RAPGEF4: variants seen among roughly 807,000 people sequenced by gnomAD.
The protein encoded by RAPGEF4 is Rap guanine nucleotide exchange factor 4, also known as RAP guanine-nucleotide-exchange factor (GEF) 4.
A neutral mutation model predicts 147.9 loss-of-function variants in RAPGEF4; 66 were observed. The ratio of observed to expected loss-of-function variants is 0.45; its 90% CI spans 0.37 to 0.55. The LOEUF (loss-of-function observed/expected upper bound fraction) is 0.55. RAPGEF4 is among the 20% of genes least tolerant of loss of function. The pLI is 0.00. For missense variants in RAPGEF4, 1,071 were observed against 1,257.3 expected (o/e 0.85, Z 2.24); for synonymous variants, 419 against 442.7 (o/e 0.95, Z 0.67).
At chr2:172,735,590 T>G (rs1693673356), upstream of RAPGEF4, 1 of 151,924 alleles carries the variant, frequency 6.6e-6, no homozygotes, top group African/African-American at 2.4e-5. Flanking sequence ...GGCCCCGGGG[T>G]GAGGGTGGGG....
chr2:173,000,724 GTTTTCTTTCTTTC>G (rs577443385), intron 16 of RAPGEF4, among the ~76,000 whole-genome samples: 10,251 of 142,958 alleles, frequency 0.072, 459 homozygotes, highest in South Asian at 0.15. Flanking sequence ...CCTTAATCTT[GTTTTCTTTCTTTC>G]TTTTCTTTCT....
At chr2:172,919,364 A>G (rs747442677) in intron 5 of RAPGEF4, among the ~76,000 whole-genome samples, 13 of 152,094 alleles carry the variant, frequency 8.5e-5, no homozygotes, top group Non-Finnish European at 1.5e-4. Flanking sequence ...TACTTCTTGA[A>G]TAAACCACTC....
intron 15 of RAPGEF4, among the ~76,000 whole-genome samples, chr2:172,994,466 G>C (rs1693124511): frequency 6.6e-6 from 1 of 152,198 alleles, no homozygotes; most frequent in Non-Finnish European, 1.5e-5. Context: ...CCTGAGGCAT[G>C]ATGCCTCCCC....
intron 10 of RAPGEF4, among the ~76,000 whole-genome samples, chr2:172,979,122 C>T (rs776706139): frequency 5.9e-5 from 9 of 152,156 alleles, no homozygotes; most frequent in Middle Eastern, 3.4e-3. Flanking sequence ...GAGGTGAGGC[C>T]CATCATTTTC....
intron 15 of RAPGEF4, 107 bp from the exon 16 acceptor site, chr2:172,996,359 T>A (rs561610550): frequency 1.7e-6 from 1 of 588,130 alleles, no homozygotes; most frequent in Non-Finnish European, 2.9e-6. Flanking sequence ...AGGTATATGG[T>A]TCCCTGGGAT....
chr2:172,889,981 T>C (rs1252444209), intron 4 of RAPGEF4: 2 of 288,108 alleles, frequency 6.9e-6, no homozygotes, highest in Non-Finnish European at 1.0e-5. Context: ...GAAAGATGCA[T>C]GCTTCAATAT....
chr2:172,782,356 C>T (rs145979023), intron 1 of RAPGEF4, among the ~76,000 whole-genome samples: 13 of 152,246 alleles, frequency 8.5e-5, no homozygotes, highest in East Asian at 1.9e-4. Flanking sequence ...AGTTCTTAGT[C>T]GCTTCCCCTC....
intron 17 of RAPGEF4, among the ~76,000 whole-genome samples, chr2:173,003,300 G>A (rs1288525885): frequency 1.3e-5 from 2 of 152,282 alleles, no homozygotes; most frequent in Non-Finnish European, 2.9e-5. Flanking sequence ...TGGCGGGCAG[G>A]GAGAGGGGAA....
intron 4 of RAPGEF4, among the ~76,000 whole-genome samples, chr2:172,897,565 A>AT (rs1575167235): frequency 6.6e-6 from 1 of 151,272 alleles, no homozygotes; most frequent in Non-Finnish European, 1.5e-5. Flanking sequence ...TACCTGACTA[A>AT]TTTTTTAATT....
intron 17 of RAPGEF4, among the ~76,000 whole-genome samples, chr2:173,006,660 G>T (rs1263918359): frequency 6.6e-6 from 1 of 152,148 alleles, no homozygotes; most frequent in African/African-American, 2.4e-5. Flanking sequence ...AATTGATCTG[G>T]AGATGTTCTC....
chr2:173,033,367 A>G (rs1474140498), intron 26 of RAPGEF4, among the ~76,000 whole-genome samples: 1 of 152,218 alleles, frequency 6.6e-6, no homozygotes, highest in Non-Finnish European at 1.5e-5. Flanking sequence ...ACACAGGCTC[A>G]ATCTATTCAA....
At chr2:172,832,305 C>A (rs998304437) in intron 4 of RAPGEF4, among the ~76,000 whole-genome samples, 1 of 151,946 alleles carries the variant, frequency 6.6e-6, no homozygotes, top group African/African-American at 2.4e-5. Flanking sequence ...AAAAAGAAAC[C>A]TATTTTTAAT....
chr2:172,785,525 A>G (rs1027677250), intron 1 of RAPGEF4, among the ~76,000 whole-genome samples: 5 of 152,196 alleles, frequency 3.3e-5, no homozygotes, highest in Non-Finnish European at 5.9e-5. Flanking sequence ...GCTCTTTGCA[A>G]TGCTAAATTA....
intron 16 of RAPGEF4, among the ~76,000 whole-genome samples, chr2:172,998,050 T>C (rs1223442062): frequency 6.6e-6 from 1 of 152,226 alleles, no homozygotes; most frequent in Non-Finnish European, 1.5e-5. Context: ...CTAAGCTAGA[T>C]GCTTTGGACT....
At chr2:173,015,505 C>T (rs951405754) in intron 18 of RAPGEF4, among the ~76,000 whole-genome samples, 3 of 152,152 alleles carry the variant, frequency 2.0e-5, no homozygotes, top group Non-Finnish European at 2.9e-5. Context: ...GCCAGAGGTG[C>T]GAGGCAGTGA....
intron 10 of RAPGEF4, among the ~76,000 whole-genome samples, chr2:172,969,463 G>A (rs189619987): frequency 9.8e-4 from 149 of 152,286 alleles, no homozygotes; most frequent in African/African-American, 3.4e-3. Context: ...TAGTAAGGCC[G>A]TATCCCTAGC....
intron 4 of RAPGEF4, among the ~76,000 whole-genome samples, chr2:172,879,072 A>T (rs1360477879): frequency 6.6e-6 from 1 of 152,198 alleles, no homozygotes; most frequent in Non-Finnish European, 1.5e-5. Context: ...TCCTTTGGAA[A>T]TGCTTGCACA....
intron 25 of RAPGEF4, among the ~76,000 whole-genome samples, chr2:173,028,206 T>C (rs1483280081): frequency 1.3e-5 from 2 of 152,262 alleles, no homozygotes; most frequent in African/African-American, 4.8e-5. Context: ...AGCTGCTATC[T>C]GTTAATATGG....
intron 4 of RAPGEF4, among the ~76,000 whole-genome samples, chr2:172,867,828 C>G (rs1244027022): frequency 1.3e-5 from 2 of 152,192 alleles, no homozygotes; most frequent in African/African-American, 4.8e-5. Flanking sequence ...TATTTTGAAC[C>G]TTTGAGCCCT....
Sources: allele counts gnomAD v4.1 joint callset (sites outside exome capture counted in the v4.1 genomes callset), GRCh38; gene constraint gnomAD v4.1.1; transcripts MANE v1.5; gene names NCBI Gene and HGNC (gene_info 2026-07-23, HGNC 2026-07-21).